METTL6: variants seen among roughly 807,000 people sequenced by gnomAD.
The protein encoded by METTL6 is tRNA N(3)-cytidine methyltransferase METTL6.
In METTL6, 22 loss-of-function variants were observed where a neutral mutation model predicts 26.4. That is an observed-to-expected ratio of 0.83 (90% CI 0.59 to 1.19). The LOEUF (loss-of-function observed/expected upper bound fraction) is 1.19, where lower values mean the gene tolerates loss of function less well. Ranked by LOEUF, METTL6 falls within the 50% of genes most tolerant of loss-of-function variation. The probability of loss-of-function intolerance (pLI) is 0.00; values close to 1 mark genes in which losing one functional copy is unlikely to be tolerated. For missense variants in METTL6, 304 were observed against 324.8 expected, an observed-to-expected ratio of 0.94 and a Z score of 0.49; for synonymous variants, 109 against 116.2, an observed-to-expected ratio of 0.94 and a Z score of 0.40.
chr3:15,403,042 A>T (rs1235580202), intron 6 of METTL6, among the ~76,000 whole-genome samples: 2 of 152,196 alleles, frequency 1.3e-5, no homozygotes, highest in Non-Finnish European at 2.9e-5. Flanking sequence ...TAGAAGCAAG[A>T]TATAGTCTGT....
chr3:15,401,487 T>C (rs142918535), intron 6 of METTL6, among the ~76,000 whole-genome samples: 1 of 147,838 alleles, frequency 6.8e-6, no homozygotes, highest in East Asian at 2.0e-4. Context: ...TTTTACAATG[T>C]TATGTACAAA....
At chr3:15,406,664 A>AGG (rs1699810191), downstream of METTL6, among the ~76,000 whole-genome samples, 6 of 143,542 alleles carry the variant, frequency 4.2e-5, no homozygotes, top group Non-Finnish European at 9.1e-5. Flanking sequence ...AGAGAGAGAG[A>AGG]GAGATGGAGT....
intron 3 of METTL6, among the ~76,000 whole-genome samples, chr3:15,416,659 G>A (rs549531245): frequency 5.1e-4 from 77 of 152,230 alleles, no homozygotes; most frequent in African/African-American, 1.8e-3. Context: ...CAGTTCTTCT[G>A]GGGTATATTT....
Position 15,414,017 on chromosome 3 carries a change from T to C in METTL6, c.673+4A>G, listed in dbSNP as rs762036719. On this transcript the variant is annotated splice_donor_region_variant and intron_variant, in intron 5 of 5. Coordinates refer to ENST00000383790, the MANE Select transcript of METTL6 (RefSeq NM_152396.4). ...ATTTAAAGACTGGATTCCATTCATC[T>C]TACCATCAGTAAAAAAATATGATCT... 1 of 1,614,012 alleles carries C rather than the reference T, an allele frequency of 6.2e-7. No homozygotes were observed. The highest frequency in any genetic ancestry group is 8.5e-7 in the Non-Finnish European group (1 of 1,179,988).
chr3:15,394,672 T>C (rs1219879497), intron 6 of METTL6, among the ~76,000 whole-genome samples: 2 of 151,884 alleles, frequency 1.3e-5, no homozygotes, highest in Admixed American at 6.6e-5. Context: ...GCTTTGAATG[T>C]GTCCCAGAGA....
chr3:15,386,800 T>C (rs1416494942), intron 6 of METTL6, among the ~76,000 whole-genome samples: 1 of 140,242 alleles, frequency 7.1e-6, no homozygotes, highest in Non-Finnish European at 1.5e-5. Flanking sequence ...TTTCCTTTTC[T>C]TTTTTTTTTT....
intron 6 of METTL6, among the ~76,000 whole-genome samples, chr3:15,393,226 G>C (rs908558769): frequency 6.6e-6 from 1 of 152,136 alleles, no homozygotes; most frequent in South Asian, 2.1e-4. Flanking sequence ...CTTGTAAGTT[G>C]GATTCCTAGG....
chr3:15,389,151 T>G (rs897391360), intron 6 of METTL6, among the ~76,000 whole-genome samples: 3 of 151,490 alleles, frequency 2.0e-5, no homozygotes, highest in African/African-American at 7.3e-5. Flanking sequence ...GCACCACACC[T>G]GGCCTTTTTT....
downstream of METTL6, among the ~76,000 whole-genome samples, chr3:15,407,941 C>T (rs1422996506): frequency 6.6e-6 from 1 of 152,122 alleles, no homozygotes; most frequent in African/African-American, 2.4e-5. Context: ...ATCTTGTTTC[C>T]TTCTTTACAC....
rs1553625002 is a variant in METTL6 at position 15,389,870 on chromosome 3, T to TA, written c.*12-5684dup. ...GCCAATTTTTTTTTTTTTTTTTTTTTAAAGAGAAAGAATCTTACTCTGTCA... is the reference window on the plus strand; with the variant it reads ...GCCAATTTTTTTTTTTTTTTTTTTTTAAAAGAGAAAGAATCTTACTCTGTCA... On this transcript the variant is annotated intron_variant, in intron 6 of 6. Transcript: ENST00000443029. 4.4e-3 allele frequency among the ~76,000 whole-genome samples: 659 copies of TA among 148,254 alleles called. 2 individuals carry two copies. Among genetic ancestry groups the TA allele is most frequent in the Non-Finnish European group, 8.3e-3 (556 of 67,208 alleles).
At chr3:15,412,042 C>G (rs547340970) in intron 5 of METTL6, among the ~76,000 whole-genome samples, 1 of 152,114 alleles carries the variant, frequency 6.6e-6, no homozygotes, top group South Asian at 2.1e-4. Flanking sequence ...TGAGATAACA[C>G]GCATGAGCCA....
intron 6 of METTL6, among the ~76,000 whole-genome samples, chr3:15,392,283 T>G (rs2124905775): frequency 6.6e-6 from 1 of 152,348 alleles, no homozygotes; most frequent in East Asian, 1.9e-4. Context: ...GTCTTTTGGC[T>G]GCATAAATGT....
In METTL6 at chr3:15,417,286, C is replaced by T. The variant is rs113768191; in HGVS notation, c.361-1344G>A. 5.5e-3 allele frequency among the ~76,000 whole-genome samples: 831 copies of T among 152,196 alleles called. 2 individuals carry two copies. The highest frequency in any genetic ancestry group is 0.01 in the Middle Eastern group (3 of 294). Reference sequence around the variant, plus strand: ...CCTGGCCAATATGGTGAAACCCCATCTCTACTAAAAATACAAAAATTAGCT... The same window carrying T: ...CCTGGCCAATATGGTGAAACCCCATTTCTACTAAAAATACAAAAATTAGCT... On this transcript the variant is annotated intron_variant, in intron 3 of 5. Coordinates refer to ENST00000383790, the MANE Select transcript of METTL6 (RefSeq NM_152396.4).
At chr3:15,415,645 C>A in intron 4 of METTL6, 127 bp downstream of exon 4, 1 of 1,604,276 alleles carries the variant, frequency 6.2e-7, no homozygotes, top group Non-Finnish European at 8.5e-7. Context: ...TATACACTCA[C>A]TACACAGCCT....
chr3:15,415,522 C>A, intron 4 of METTL6: 2 of 1,596,222 alleles, frequency 1.3e-6, no homozygotes, highest in Non-Finnish European at 1.7e-6. Flanking sequence ...CCATGGATCC[C>A]AGGTAACTGC....
rs139662645 is a variant in METTL6 at position 15,419,947 on chromosome 3, C to T, written c.361-4005G>A. Among the ~76,000 whole-genome samples the T allele has an allele frequency of 5.7e-3, 861 of 151,490 alleles. 9 individuals are homozygous for T. The highest frequency in any genetic ancestry group is 0.019 in the African/African-American group (777 of 41,228). ...CATGATCTCAGCTCACTGCAAGCTCCGCCTCCCAGGTTCATGCCGTTCTCC... is the reference window on the plus strand; with the variant it reads ...CATGATCTCAGCTCACTGCAAGCTCTGCCTCCCAGGTTCATGCCGTTCTCC... On this transcript the variant is annotated intron_variant, in intron 3 of 5. Transcript: ENST00000383790.
chr3:15,407,525 T>C (rs1445997681), downstream of METTL6, among the ~76,000 whole-genome samples: 1 of 152,218 alleles, frequency 6.6e-6, no homozygotes, highest in African/African-American at 2.4e-5. Context: ...GAAGTCATTC[T>C]TACTTGTCTC....
At chr3:15,405,377 T>C (rs367684477), downstream of METTL6, among the ~76,000 whole-genome samples, 1 of 152,186 alleles carries the variant, frequency 6.6e-6, no homozygotes, top group African/African-American at 2.4e-5. Flanking sequence ...AGGCCAAAAT[T>C]GATCTTATGA....
Position 15,425,052 on chromosome 3 carries a change from C to G in METTL6, c.263G>C (p.Cys88Ser). 6.2e-7 allele frequency: 1 copy of G among 1,614,216 alleles called. No homozygotes were observed. Among genetic ancestry groups the G allele is most frequent in the Non-Finnish European group, 8.5e-7 (1 of 1,180,036 alleles). ...DQKLTMLEAG[C>S]GVGNCLFPLL... ...TGGGAATAAACAGTTTCCAACCCCA[C>G]AGCCAGCTTCAAGCATTGTTAACTT... Residue 88 changes from cysteine (C) to serine (S), a missense_variant, in exon 3 of 6, where the codon TGT (cysteine) becomes TCT (serine). By Grantham distance (112) the Cys-to-Ser change is moderately radical. Coordinates refer to ENST00000383790, the MANE Select transcript of METTL6 (RefSeq NM_152396.4).
Sources: gnomAD v4.1 joint callset for allele counts (sites outside exome capture counted in the v4.1 genomes callset) on GRCh38, gnomAD v4.1.1 for gene constraint, MANE v1.5 for transcripts, NCBI Gene and HGNC (gene_info 2026-07-23, HGNC 2026-07-21) for gene names.